Variants in CELF2 observed in about 807,000 individuals in gnomAD.
CELF2 encodes the protein CUGBP Elav-like family member 2.
In CELF2, 8 loss-of-function variants were observed where a neutral mutation model predicts 62.6. The observed-to-expected ratio is 0.13, with a 90% CI of 0.07 to 0.23. The LOEUF (loss-of-function observed/expected upper bound fraction) is 0.23. Among genes scored for constraint, CELF2 ranks in the 10% least tolerant of loss-of-function variants. CELF2 has a pLI of 1.00. For missense variants in CELF2, 333 were observed against 671.0 expected (o/e 0.50, Z 5.56); for synonymous variants, 258 against 250.0 (o/e 1.03, Z -0.30).
At chr10:10,666,760 G>T in the CELF2 span, among the ~76,000 whole-genome samples, 2 of 121,044 alleles carry the variant, frequency 1.7e-5, no homozygotes, top group African/African-American at 7.0e-5. Flanking sequence ...TACTCGGGAG[G>T]CTGAGGCAGG....
chr10:11,149,313 A>T (rs1243429221), intron 1 of CELF2, among the ~76,000 whole-genome samples: 1 of 152,108 alleles, frequency 6.6e-6, no homozygotes, highest in Non-Finnish European at 1.5e-5. Context: ...CAGATGATCC[A>T]CTTGCCTCAG....
the CELF2 span, among the ~76,000 whole-genome samples, chr10:10,471,761 T>C: frequency 9.9e-5 from 15 of 151,988 alleles, no homozygotes; most frequent in Non-Finnish European, 2.1e-4. Context: ...TATGTACATC[T>C]TTTTCATTAC....
chr10:10,618,288 C>G, the CELF2 span, among the ~76,000 whole-genome samples: 18 of 152,202 alleles, frequency 1.2e-4, no homozygotes, highest in African/African-American at 4.1e-4. Flanking sequence ...AGGGACCAGG[C>G]TGCTTCTTCC....
chr10:10,686,986 T>A, the CELF2 span, among the ~76,000 whole-genome samples: 1 of 152,186 alleles, frequency 6.6e-6, no homozygotes, highest in Non-Finnish European at 1.5e-5. Context: ...AAATTCCTGA[T>A]CTCTGGCCAT....
rs966683569 is a variant in CELF2 at position 11,247,941 on chromosome 10, C to A, written c.355-1212C>A. ...CCTCCTCTGTTCTGAAGACCCAGGC[C>A]GGCATTAGGTGCACGTGATCCTGAC... On this transcript the variant is annotated intron_variant, in intron 3 of 12. Transcript: ENST00000633077. This position sits in a 1 kb window ranked among gnomAD's most constrained non-coding sequence, Gnocchi z 5.4. Among the ~76,000 whole-genome samples the A allele has an allele frequency of 6.6e-6, 1 of 152,124 alleles. No homozygotes were observed. Among genetic ancestry groups the A allele is most frequent in the Non-Finnish European group, 1.5e-5 (1 of 68,036 alleles).
intron 2 of CELF2, among the ~76,000 whole-genome samples, chr10:10,968,827 T>C (rs1051001398): frequency 6.6e-6 from 1 of 152,190 alleles, no homozygotes; most frequent in Non-Finnish European, 1.5e-5. Context: ...GGTCAAACCA[T>C]TATGGTTATG....
intron 1 of CELF2, among the ~76,000 whole-genome samples, chr10:10,807,093 A>G (rs2055316313): frequency 6.6e-6 from 1 of 152,214 alleles, no homozygotes; most frequent in South Asian, 2.1e-4. Context: ...AGACCTTTTT[A>G]AGTTTGCTTT....
At chr10:10,485,534 C>A in the CELF2 span, among the ~76,000 whole-genome samples, 133 of 152,274 alleles carry the variant, frequency 8.7e-4, no homozygotes, top group African/African-American at 3.0e-3. Flanking sequence ...ATGGATAATT[C>A]CTCTTAAGAA....
intron 1 of CELF2, among the ~76,000 whole-genome samples, chr10:10,908,511 C>T (rs1169501886): frequency 1.3e-5 from 2 of 151,736 alleles, no homozygotes; most frequent in Non-Finnish European, 2.9e-5. Flanking sequence ...TGAGCCACCG[C>T]GCCCGACCTG....
intron 3 of CELF2, among the ~76,000 whole-genome samples, chr10:11,248,426 C>G (rs2076244598): frequency 6.6e-6 from 1 of 152,148 alleles, no homozygotes; most frequent in Non-Finnish European, 1.5e-5. Flanking sequence ...CCCTTCCACC[C>G]TCCTCCTCTC....
intron 2 of CELF2, among the ~76,000 whole-genome samples, chr10:10,956,507 G>A (rs906205414): frequency 2.0e-5 from 3 of 152,142 alleles, no homozygotes; most frequent in Admixed American, 6.5e-5. Flanking sequence ...TAAGCATTGT[G>A]ACCCAAAGCA....
At chr10:11,204,464 G>A (rs1350423097) in intron 2 of CELF2, among the ~76,000 whole-genome samples, 1 of 152,212 alleles carries the variant, frequency 6.6e-6, no homozygotes, top group East Asian at 1.9e-4. Context: ...GGGGAAGGGG[G>A]TGTGAAAATG....
In CELF2 at chr10:11,011,905, T is replaced by C. The variant is rs1475019873; in HGVS notation, c.53+6465T>C. Among the ~76,000 whole-genome samples the C allele has an allele frequency of 6.6e-6, 1 of 152,242 alleles. No individual in the cohort carries two copies. The highest frequency in any genetic ancestry group is 1.5e-5 in the Non-Finnish European group (1 of 68,046). On this transcript the variant is annotated intron_variant, in intron 1 of 12. Transcript: ENST00000416382. The surrounding 1 kb of genome is among the most constrained non-coding windows in gnomAD (Gnocchi z 4.6). ...TATTATAGGGAAAAAATAAATTTCC[T>C]GTGCTCAAAACCTTAATGTATTTTC...
intron 9 of CELF2, among the ~76,000 whole-genome samples, chr10:11,292,420 C>T (rs1436286315): frequency 6.6e-6 from 1 of 152,226 alleles, no homozygotes; most frequent in African/African-American, 2.4e-5. Flanking sequence ...TATCCTGTGG[C>T]CTTTCCATTG....
the CELF2 span, among the ~76,000 whole-genome samples, chr10:10,556,114 G>A: frequency 6.6e-6 from 1 of 152,112 alleles, no homozygotes; most frequent in South Asian, 2.1e-4. Context: ...CATGTGACAT[G>A]CTGGTGTGCT....
At chr10:10,707,016 C>T in the CELF2 span, among the ~76,000 whole-genome samples, 8 of 152,236 alleles carry the variant, frequency 5.3e-5, no homozygotes, top group Non-Finnish European at 1.0e-4. Flanking sequence ...CGGATTTCAT[C>T]TTCCAAAAGC....
At chr10:11,284,461 A>G (rs1443182822) in intron 8 of CELF2, among the ~76,000 whole-genome samples, 9 of 144,878 alleles carry the variant, frequency 6.2e-5, no homozygotes, top group Non-Finnish European at 9.1e-5. Flanking sequence ...TGGATGAGGG[A>G]TGAGTGTGTG....
chr10:10,906,779 C>T (rs1440661726), intron 1 of CELF2, among the ~76,000 whole-genome samples: 5 of 120,344 alleles, frequency 4.2e-5, no homozygotes, highest in South Asian at 2.7e-4. Context: ...AGTGCGGGGG[C>T]GCAATCTCGG....
At chr10:10,549,588 T>C in the CELF2 span, among the ~76,000 whole-genome samples, 9 of 152,160 alleles carry the variant, frequency 5.9e-5, no homozygotes, top group African/African-American at 1.2e-4. Context: ...CCGGCCCCAG[T>C]TGGTCTCTTC....
Sources: gnomAD v4.1 joint callset for allele counts (sites outside exome capture counted in the v4.1 genomes callset) on GRCh38, gnomAD v4.1.1 for gene constraint, Gnocchi (gnomAD v3.1) non-coding constraint, MANE v1.5 for transcripts, NCBI Gene and HGNC (gene_info 2026-07-23, HGNC 2026-07-21) for gene names.